CADPS: variants seen among roughly 807,000 people sequenced by gnomAD.
CADPS encodes calcium dependent secretion activator.
Under a neutral mutation model 167.3 loss-of-function variants are expected in CADPS, and 57 were observed. The observed-to-expected ratio is 0.34, with a 90% confidence interval of 0.28 to 0.42. The LOEUF is 0.42. Ranked by LOEUF, CADPS falls within the 20% of genes least tolerant of loss-of-function variation. The pLI, the probability that CADPS is intolerant of heterozygous loss-of-function variation, is 1.00. For synonymous variants in CADPS, 676 were observed against 635.3 expected (o/e 1.06, Z -0.96); for missense variants, 1,414 against 1,738.1 (o/e 0.81, Z 3.32).
chr3:62,744,865 C>T (rs553858120), intron 3 of CADPS, among the ~76,000 whole-genome samples: 1 of 152,326 alleles, frequency 6.6e-6, no homozygotes, highest in Non-Finnish European at 1.5e-5. Context: ...TCAATTTCTA[C>T]TTTCCATTGC....
intron 11 of CADPS, among the ~76,000 whole-genome samples, chr3:62,537,565 C>G (rs1324550244): frequency 6.6e-6 from 1 of 152,154 alleles, no homozygotes; most frequent in African/African-American, 2.4e-5. Flanking sequence ...AAAGAATCTT[C>G]TATCAAATCT....
At chr3:62,594,100 T>C (rs2086687552) in intron 6 of CADPS, among the ~76,000 whole-genome samples, 1 of 151,954 alleles carries the variant, frequency 6.6e-6, no homozygotes, top group African/African-American at 2.4e-5. Context: ...CCAACTTCCA[T>C]ACTTTAAAAT....
At chr3:62,639,278 T>C (rs2149900985) in intron 6 of CADPS, among the ~76,000 whole-genome samples, 1 of 152,294 alleles carries the variant, frequency 6.6e-6, no homozygotes, top group South Asian at 2.1e-4. Flanking sequence ...AACCTTTTTC[T>C]GGAAGGAAAA....
At chr3:62,498,052 G>A in intron 18 of CADPS, 1 of 452,944 alleles carries the variant, frequency 2.2e-6, no homozygotes, top group Non-Finnish European at 4.4e-6. Context: ...GAAAGCAGGA[G>A]CACCAGGAAA....
chr3:62,464,283 A>C (rs563869548), intron 26 of CADPS, among the ~76,000 whole-genome samples: 1 of 152,284 alleles, frequency 6.6e-6, no homozygotes, highest in East Asian at 1.9e-4. Flanking sequence ...GATCTGTTGG[A>C]TTCCAAGGAC....
intron 3 of CADPS, among the ~76,000 whole-genome samples, chr3:62,734,126 T>C (rs482298): frequency 0.016 from 2,411 of 152,296 alleles, 61 homozygotes; most frequent in African/African-American, 0.054. Flanking sequence ...TTTCATATAA[T>C]GACTCCTAAA....
intron 3 of CADPS, among the ~76,000 whole-genome samples, chr3:62,717,495 G>A (rs1035232140): frequency 2.6e-5 from 4 of 151,950 alleles, no homozygotes; most frequent in East Asian, 1.9e-4. Flanking sequence ...TCTCATCTTC[G>A]AAAATAACAC....
chr3:62,838,924 C>T (rs1393274288), intron 1 of CADPS, among the ~76,000 whole-genome samples: 2 of 152,178 alleles, frequency 1.3e-5, no homozygotes, highest in African/African-American at 4.8e-5. Context: ...CACTGCTTTG[C>T]TCCAGGCTCT....
chr3:62,830,619 G>C (rs1041100163), intron 1 of CADPS, among the ~76,000 whole-genome samples: 5 of 152,096 alleles, frequency 3.3e-5, no homozygotes, highest in African/African-American at 1.2e-4. Context: ...CATAAACAAA[G>C]TCTCCCTACA....
rs532519548 is a variant in CADPS at position 62,423,503 on chromosome 3, G to T, written c.3777+14601C>A. On this transcript the variant is annotated intron_variant, in intron 28 of 29. Transcript: ENST00000383710. ...ACTCAGTATAGTGGGGGCTTTTAGG[G>T]GTAGGAAGCACATATTTGAATAGTG... Among the ~76,000 whole-genome samples, 4 of 152,304 alleles carry T rather than the reference G, an allele frequency of 2.6e-5. No individual in the cohort carries two copies. The East Asian group carries it at 7.7e-4, about 29-fold the overall frequency.
intron 3 of CADPS, among the ~76,000 whole-genome samples, chr3:62,750,227 T>C (rs2152392023): frequency 6.6e-6 from 1 of 151,904 alleles, no homozygotes; most frequent in Non-Finnish European, 1.5e-5. Flanking sequence ...GGCACGTGCC[T>C]GTAATCCCAG....
intron 19 of CADPS, 81 bp downstream of exon 19, chr3:62,493,564 A>G (rs2064112075): frequency 9.5e-7 from 1 of 1,050,920 alleles, no homozygotes; most frequent in East Asian, 2.6e-5. Flanking sequence ...TCTATTAGTT[A>G]TTAGAGGGAT....
intron 1 of CADPS, among the ~76,000 whole-genome samples, chr3:62,783,681 T>G (rs1480958808): frequency 6.6e-6 from 1 of 152,206 alleles, no homozygotes; most frequent in Non-Finnish European, 1.5e-5. Context: ...AAGTATTACT[T>G]ATAATAGCAA....
chr3:62,698,742 T>C (rs2080839429), intron 3 of CADPS, among the ~76,000 whole-genome samples: 1 of 82,996 alleles, frequency 1.2e-5, no homozygotes, highest in Non-Finnish European at 2.6e-5. Context: ...TTTTTTTTTT[T>C]TTTTTTTTTT....
intron 3 of CADPS, among the ~76,000 whole-genome samples, chr3:62,670,007 G>A (rs2075223088): frequency 6.6e-6 from 1 of 152,090 alleles, no homozygotes; most frequent in African/African-American, 2.4e-5. Flanking sequence ...CGAGATAGAG[G>A]GAATAATCCT....
intron 26 of CADPS, among the ~76,000 whole-genome samples, chr3:62,453,744 A>G (rs942400254): frequency 6.6e-6 from 1 of 152,158 alleles, no homozygotes; most frequent in African/African-American, 2.4e-5. Context: ...CTGGAGAAAA[A>G]CACAACCCTT....
Position 62,474,170 on chromosome 3 carries a change from T to TTTTTTTTTTTTTC in CADPS, c.3477+2_3477+3insGAAAAAAAAAAAA. 6.8e-7 allele frequency: 1 copy of TTTTTTTTTTTTTC among 1,475,400 alleles called. No homozygotes were observed. 91.4% of individuals were successfully genotyped at this position (1,475,400 alleles called of 1,614,324 possible). On this transcript the variant is annotated splice_region_variant and intron_variant, in intron 24 of 29. Coordinates refer to ENST00000383710, the MANE Select transcript of CADPS (RefSeq NM_003716.4). ...AAATCTGTATTTTTTTTTTTTTTTT[T>TTTTTTTTTTTTTC]ACCTCTTGGCCCATTTCCATGCTGC...
chr3:62,428,825 C>T (rs970775006), intron 28 of CADPS, among the ~76,000 whole-genome samples: 1 of 152,136 alleles, frequency 6.6e-6, no homozygotes, highest in African/African-American at 2.4e-5. Flanking sequence ...TATCTGGAGA[C>T]ATTTTCTTCA....
Position 62,725,981 on chromosome 3 carries a change from T to C in CADPS, c.888+27460A>G, listed in dbSNP as rs188902398. On this transcript the variant is annotated intron_variant, in intron 3 of 29. Transcript: ENST00000383710. ...CCTGCCAGAGTCTGGCTTTGGACACTAGGCTCATCACATGGTGGCAAACCG... is the reference window on the plus strand; with the variant it reads ...CCTGCCAGAGTCTGGCTTTGGACACCAGGCTCATCACATGGTGGCAAACCG... Among the ~76,000 whole-genome samples, 174 of 151,904 alleles carry C rather than the reference T, an allele frequency of 1.1e-3. 4 individuals carry two copies. The highest frequency in any genetic ancestry group is 4.1e-3 in the African/African-American group (170 of 41,236).
Sources: allele counts gnomAD v4.1 joint callset (sites outside exome capture counted in the v4.1 genomes callset), GRCh38; gene constraint gnomAD v4.1.1; transcripts MANE v1.5; gene names NCBI Gene and HGNC (gene_info 2026-07-23, HGNC 2026-07-21).